Variants in HMOX1 observed in about 807,000 individuals in gnomAD.
HMOX1 encodes heat shock protein, 32-kD.
Under a neutral mutation model 27.8 loss-of-function variants are expected in HMOX1, and 22 were observed. That is an observed-to-expected ratio of 0.79 (90% CI 0.57 to 1.13). The LOEUF (loss-of-function observed/expected upper bound fraction) is 1.13, where lower values mean the gene tolerates loss of function less well. Among genes scored for constraint, HMOX1 ranks in the 50% most tolerant of loss-of-function variants. The pLI is 0.00. For synonymous variants in HMOX1, 153 were observed against 151.6 expected, an observed-to-expected ratio of 1.01 and a Z score of -0.07; for missense variants, 379 against 377.7, an observed-to-expected ratio of 1.00 and a Z score of -0.03.
intron 3 of HMOX1, among the ~76,000 whole-genome samples, chr22:35,388,256 G>A (rs1363292202): frequency 6.6e-6 from 1 of 151,926 alleles, no homozygotes; most frequent in Non-Finnish European, 1.5e-5. Flanking sequence ...TTTGAGACCA[G>A]CCCTGGCAAC....
intron 2 of HMOX1, among the ~76,000 whole-genome samples, chr22:35,385,060 CTTTGTTCTCCTTCAAATTTAAA>C (rs1931471468): frequency 6.6e-6 from 1 of 152,020 alleles, no homozygotes; most frequent in Admixed American, 6.6e-5. Flanking sequence ...AATGTCTTAA[CTTTGTTCTCCTTCAAATTTAAA>C]CGGGCGTATT....
rs751924902 is a variant in HMOX1, at chr22:35,383,251, C to T, written c.144+25C>T. On this transcript the variant is annotated intron_variant, in intron 2 of 4. Coordinates refer to ENST00000216117, the MANE Select transcript of HMOX1 (RefSeq NM_002133.3). Reference sequence around the variant, plus strand: ...GGTATGTGGCTTGGTGGGACTAGCCCTGGTGGAGGGTGTGGCAGGTGTGGG... The same window carrying T: ...GGTATGTGGCTTGGTGGGACTAGCCTTGGTGGAGGGTGTGGCAGGTGTGGG... 1.9e-6 allele frequency: 3 copies of T among 1,611,170 alleles called. No homozygotes were observed. In the East Asian group the frequency reaches 6.7e-5, roughly 36 times the overall value.
chr22:35,387,312 C>A, intron 3 of HMOX1, 136 bp downstream of exon 3: 1 of 1,026,796 alleles, frequency 9.7e-7, no homozygotes, highest in Non-Finnish European at 1.5e-6. Context: ...CACTTACTAG[C>A]TGGGTGATCT....
chr22:35,383,187 G>A lies in HMOX1; in HGVS notation c.105G>A (p.Arg35=), dbSNP rs374113510. 4.6e-5 allele frequency: 74 copies of A among 1,613,778 alleles called. No homozygotes were observed. Among genetic ancestry groups the A allele is most frequent in the Non-Finnish European group, 5.8e-5 (69 of 1,179,846 alleles). ...AGGCAGAGAATGCTGAGTTCATGAG[G>A]AACTTTCAGAAGGGCCAGGTGACCC... ...HTQAENAEFM[R]NFQKGQVTRD... Residue 35 remains arginine, a synonymous_variant, in exon 2 of 5, where the codon AGG becomes AGA. Coordinates refer to ENST00000216117, the MANE Select transcript of HMOX1 (RefSeq NM_002133.3).
Position 35,389,391 on chromosome 22 carries a change from CCTTCCTTTCTTT to C in HMOX1, c.637-469_637-458del, listed in dbSNP as rs1331185897. ...TCCTTCCTTCCTTCCTTCCTTCCTT[CCTTCCTTTCTTT>C]CTTTCTTTCTTTCTTTCTTTCTTTC... On this transcript the variant is annotated intron_variant, in intron 3 of 4. Coordinates refer to ENST00000216117, the MANE Select transcript of HMOX1 (RefSeq NM_002133.3). Among the ~76,000 whole-genome samples the C allele has an allele frequency of 6.2e-3, 310 of 49,764 alleles. 3 individuals carry two copies. Among genetic ancestry groups the C allele is most frequent in the Middle Eastern group, 9.4e-3 (1 of 106 alleles). The allele number at this position is 49,764 out of a possible 152,430, so 32.6% of individuals were successfully genotyped here. A position where few individuals can be genotyped will look rare whatever the true frequency, so the allele number is the denominator to read the frequency against.
At chr22:35,389,425 TTTCTATCTTTCTTTCTTTCTTTCTTTTC>T (rs1569057734) in intron 3 of HMOX1, among the ~76,000 whole-genome samples, 1 of 81,428 alleles carries the variant, frequency 1.2e-5, no homozygotes, top group Non-Finnish European at 2.5e-5. Context: ...TCTTTCTTTC[TTTCTATCTTTCTTTCTTTCTTTCTTTTC>T]TTTCTTTCTT....
intron 2 of HMOX1, among the ~76,000 whole-genome samples, chr22:35,386,008 T>G (rs555454222): frequency 1.7e-4 from 26 of 151,302 alleles, no homozygotes; most frequent in Non-Finnish European, 3.5e-4. Context: ...CAGGCTGGAG[T>G]GCAGTGGCGA....
At chr22:35,389,274 C>CT (rs373504324) in intron 3 of HMOX1, among the ~76,000 whole-genome samples, 5 of 96,098 alleles carry the variant, frequency 5.2e-5, no homozygotes, top group African/African-American at 2.5e-4. Context: ...CTCTCTCTCT[C>CT]CTCTCTCTCT....
chr22:35,389,231 T>TTCTTTCTTTCTTTC (rs1473345452), intron 3 of HMOX1, among the ~76,000 whole-genome samples: 21 of 137,246 alleles, frequency 1.5e-4, no homozygotes, highest in Non-Finnish European at 2.1e-4. Flanking sequence ...CTTTCTTTCT[T>TTCTTTCTTTCTTTC]TCTTTCTTTT....
chr22:35,383,474 G>T (rs1044678604), intron 2 of HMOX1, among the ~76,000 whole-genome samples: 2 of 152,148 alleles, frequency 1.3e-5, no homozygotes, highest in African/African-American at 4.8e-5. Context: ...CTGAGCACCG[G>T]TTCCATGTTG....
At chr22:35,393,349 T>C in intron 4 of HMOX1, 119 bp from the exon 5 acceptor site, 2 of 1,234,302 alleles carry the variant, frequency 1.6e-6, no homozygotes, top group East Asian at 2.3e-5. Flanking sequence ...TGCAGAATCC[T>C]GGCGTTGGGC....
At chr22:35,392,988 T>G (rs17885902) in intron 4 of HMOX1, among the ~76,000 whole-genome samples, 2,170 of 152,252 alleles carry the variant, frequency 0.014, 26 homozygotes, top group African/African-American at 0.032. Context: ...AGTGCTGGGA[T>G]TACAGGCGTG....
At chr22:35,382,517 ATT>A (rs58712001) in intron 1 of HMOX1, among the ~76,000 whole-genome samples, 35 of 119,452 alleles carry the variant, frequency 2.9e-4, no homozygotes, top group African/African-American at 5.9e-4. Context: ...ATGCCCGGCT[ATT>A]TTTTTTTTTT....
chr22:35,381,309 C>A, intron 1 of HMOX1, 113 bp downstream of exon 1: 1 of 1,319,222 alleles, frequency 7.6e-7, no homozygotes. Flanking sequence ...GAGCCAGAAA[C>A]TTGGGCTCTG....
At chr22:35,389,387 C>T (rs183343411) in intron 3 of HMOX1, among the ~76,000 whole-genome samples, 1,451 of 51,014 alleles carry the variant, frequency 0.028, 74 homozygotes, top group East Asian at 0.11. Flanking sequence ...TTCCTTCCTT[C>T]CTTCCTTCCT....
intron 4 of HMOX1, among the ~76,000 whole-genome samples, chr22:35,391,025 C>T (rs1931704629): frequency 6.6e-6 from 1 of 152,134 alleles, no homozygotes; most frequent in African/African-American, 2.4e-5. Flanking sequence ...TAGCTACCTC[C>T]TGGCAGGTTA....
At chr22:35,390,913 C>G (rs755216898) in intron 4 of HMOX1, among the ~76,000 whole-genome samples, 1 of 152,130 alleles carries the variant, frequency 6.6e-6, no homozygotes, top group African/African-American at 2.4e-5. Context: ...TTGGAAACTT[C>G]CAAAAAGACC....
At chr22:35,392,890 G>A (rs899952527) in intron 4 of HMOX1, among the ~76,000 whole-genome samples, 2 of 151,906 alleles carry the variant, frequency 1.3e-5, no homozygotes, top group Admixed American at 6.6e-5. Context: ...CTAATTTTTT[G>A]TATTTTTAGT....
At position 35,393,520 on chromosome 22, in the gene HMOX1, C is replaced by T. The variant is rs1931778760; in HGVS notation, c.789C>T (p.Ser263=). 6.2e-7 allele frequency: 1 copy of T among 1,614,142 alleles called. No individual in the cohort carries two copies. The highest frequency in any genetic ancestry group is 8.5e-7 in the Non-Finnish European group (1 of 1,180,058). Residue 263 remains serine (S), a synonymous_variant, in exon 5 of 5, where the codon TCC becomes TCT. Transcript: ENST00000216117. ...GGAAGCCCCCACTCAACACCCGCTC[C>T]CAGGCTCCGCTTCTCCGATGGGTCC... ...PRGKPPLNTR[S]QAPLLRWVLT...
Sources: gnomAD v4.1 joint callset for allele counts (sites outside exome capture counted in the v4.1 genomes callset) on GRCh38, gnomAD v4.1.1 for gene constraint, MANE v1.5 for transcripts, NCBI Gene and HGNC (gene_info 2026-07-23, HGNC 2026-07-21) for gene names.